PCMTD2: variants seen among roughly 807,000 people sequenced by gnomAD.
The protein encoded by PCMTD2 is protein-L-isoaspartate (D-aspartate) O-methyltransferase domain containing 2.
In PCMTD2, 16 loss-of-function variants were observed where a neutral mutation model predicts 33.4. The ratio of observed to expected loss-of-function variants is 0.48; its 90% CI spans 0.32 to 0.73. The LOEUF (loss-of-function observed/expected upper bound fraction) is 0.73, where lower values mean the gene tolerates loss of function less well. Ranked by LOEUF, PCMTD2 falls within the 30% of genes least tolerant of loss-of-function variation. The probability of loss-of-function intolerance (pLI) is 0.03; values close to 1 mark genes in which losing one functional copy is unlikely to be tolerated. For missense variants in PCMTD2, 374 were observed against 449.9 expected (o/e 0.83, Z 1.53); for synonymous variants, 161 against 160.8 (o/e 1.00, Z -0.01).
chr20:64,257,041 T>C (rs1985196510), intron 1 of PCMTD2: 1 of 152,288 alleles, frequency 6.6e-6, no homozygotes, highest in African/African-American at 2.4e-5. Context: ...GTAAGAGTTC[T>C]GGTTTTCAAG....
rs1210379054 is a variant in PCMTD2 at position 64,262,366 on chromosome 20, CCT to C, written c.308-2062_308-2061del. 2.0e-5 allele frequency among the ~76,000 whole-genome samples: 3 copies of C among 152,112 alleles called. 1 individual carries two copies. The highest frequency in any genetic ancestry group is 4.1e-4 in the South Asian group (2 of 4,824). On this transcript the variant is annotated intron_variant, in intron 2 of 5. Transcript: ENST00000308824. ...ACAGTTGCTTTTCTTTCCTGAATCC[CCT>C]GTTTACTGGAAATTTCATTGGATTT...
intron 5 of PCMTD2, chr20:64,272,323 T>C: frequency 3.4e-6 from 1 of 290,414 alleles, no homozygotes; most frequent in Non-Finnish European, 7.3e-6. Flanking sequence ...AAAGTGATGC[T>C]GATTTTCAGT....
intron 1 of PCMTD2, 27 bp from the exon 2 acceptor site, chr20:64,259,915 G>C: frequency 8.7e-7 from 1 of 1,150,670 alleles, no homozygotes; most frequent in East Asian, 2.4e-5. Flanking sequence ...AACATAAATC[G>C]CTCTTTTTAA....
intron 4 of PCMTD2, among the ~76,000 whole-genome samples, chr20:64,266,321 G>A (rs1049694136): frequency 5.9e-5 from 9 of 152,106 alleles, no homozygotes; most frequent in Non-Finnish European, 1.2e-4. Context: ...GCAGTGGCGC[G>A]ATCTCAGCTT....
Position 64,275,905 on chromosome 20 carries a change from T to C in PCMTD2, c.*2305T>C, listed in dbSNP as rs965278194. The C allele has an allele frequency of 5.9e-5, 9 of 152,230 alleles. No homozygotes were observed. The highest frequency in any genetic ancestry group is 2.2e-4 in the African/African-American group (9 of 41,458). 9.4% of individuals were successfully genotyped at this position (152,230 alleles called of 1,614,324 possible). A position where few individuals can be genotyped will look rare whatever the true frequency, so the allele number is the denominator to read the frequency against. On this transcript the variant is annotated 3_prime_UTR_variant, in exon 6 of 6. Transcript: ENST00000308824. ...GTTTGTAATGTGAGCATCAAATGTG[T>C]ATGTAAAAATACTTTTTACCAGTCT...
At chr20:64,263,521 T>A (rs1394932664) in intron 2 of PCMTD2, among the ~76,000 whole-genome samples, 5 of 152,210 alleles carry the variant, frequency 3.3e-5, no homozygotes, top group African/African-American at 1.2e-4. Flanking sequence ...GTCTACCAAG[T>A]AAAGTCCTAC....
intron 5 of PCMTD2, among the ~76,000 whole-genome samples, chr20:64,269,421 C>T (rs1985793754): frequency 6.6e-6 from 1 of 152,034 alleles, no homozygotes; most frequent in Admixed American, 6.6e-5. Context: ...ATGTGGTGGG[C>T]AGTTTGGATG....
intron 5 of PCMTD2, among the ~76,000 whole-genome samples, chr20:64,270,204 C>T (rs1436555712): frequency 3.4e-5 from 4 of 118,686 alleles, no homozygotes; most frequent in South Asian, 3.2e-4. Context: ...GTCGTGAGTG[C>T]GGGCGTGCGT....
intron 5 of PCMTD2, 84 bp from the exon 6 acceptor site, chr20:64,273,137 T>G (rs1985973158): frequency 1.7e-6 from 2 of 1,153,460 alleles, no homozygotes; most frequent in Admixed American, 4.8e-5. Context: ...TTAATTGAAA[T>G]GATGCTACGG....
Position 64,273,602 on chromosome 20 carries a change from T to A in PCMTD2, c.*2T>A. ...TTGCTTTATTACAGAGAAAAATAAG[T>A]CTCCTGTTTGAAAGGGGGAAATAGG... On this transcript the variant is annotated 3_prime_UTR_variant, in exon 6 of 6. Transcript: ENST00000308824. The A allele has an allele frequency of 6.6e-7, 1 of 1,512,920 alleles. No individual in the cohort carries two copies. Among genetic ancestry groups the A allele is most frequent in the Non-Finnish European group, 8.8e-7 (1 of 1,133,726 alleles). 93.7% of individuals were successfully genotyped at this position (1,512,920 alleles called of 1,614,324 possible).
intron 1 of PCMTD2, chr20:64,256,074 G>A (rs1049137349): frequency 6.6e-6 from 1 of 152,352 alleles, no homozygotes; most frequent in Non-Finnish European, 1.5e-5. Flanking sequence ...CTCTCTCCGA[G>A]CGCTCGCGGT....
chr20:64,271,873 G>C, intron 5 of PCMTD2: 1 of 205,222 alleles, frequency 4.9e-6, no homozygotes, highest in South Asian at 8.0e-5. Flanking sequence ...GGAAGGAGTT[G>C]TTTCAGCCTC....
At chr20:64,269,734 C>G (rs1985807073) in intron 5 of PCMTD2, among the ~76,000 whole-genome samples, 1 of 145,266 alleles carries the variant, frequency 6.9e-6, no homozygotes, top group South Asian at 2.2e-4. Context: ...AGAGTGCGGA[C>G]ATGCGCAATG....
intron 1 of PCMTD2, 120 bp from the exon 2 acceptor site, chr20:64,259,822 A>G: frequency 1.7e-6 from 1 of 596,986 alleles, no homozygotes; most frequent in Non-Finnish European, 2.9e-6. Flanking sequence ...GTGGGTGTTG[A>G]CAAAAGATAA....
At chr20:64,259,386 CTTTTTT>C (rs3076992) in intron 1 of PCMTD2, among the ~76,000 whole-genome samples, 8 of 118,700 alleles carry the variant, frequency 6.7e-5, no homozygotes, top group Admixed American at 1.7e-4. Flanking sequence ...TTTCTTTTCT[CTTTTTT>C]TTTTTTTTTT....
chr20:64,273,910 C>T lies in PCMTD2; in HGVS notation c.*310C>T, dbSNP rs912587600. The T allele has an allele frequency of 2.1e-5, 5 of 239,980 alleles. No individual in the cohort carries two copies. Among genetic ancestry groups the T allele is most frequent in the African/African-American group, 6.7e-5 (3 of 44,514 alleles). The allele number at this position is 239,980 out of a possible 1,614,324, so 14.9% of individuals were successfully genotyped here. ...GGCTCTGACGAAACACTGAAGTCTGCGTAAGAGAGACTGTTTGATGACCGT... is the reference window on the plus strand; with the variant it reads ...GGCTCTGACGAAACACTGAAGTCTGTGTAAGAGAGACTGTTTGATGACCGT... On this transcript the variant is annotated 3_prime_UTR_variant, in exon 6 of 6. Transcript: ENST00000308824.
At chr20:64,272,026 G>T (rs1279608830) in intron 5 of PCMTD2, 2 of 355,738 alleles carry the variant, frequency 5.6e-6, no homozygotes, top group African/African-American at 4.3e-5. Flanking sequence ...TGAGTGAAGA[G>T]AAAGGACTGA....
At chr20:64,262,751 CTTTG>C (rs1383204994) in intron 2 of PCMTD2, 3 of 152,390 alleles carry the variant, frequency 2.0e-5, no homozygotes, top group East Asian at 3.9e-4. Flanking sequence ...CTGTCCTTAC[CTTTG>C]TTTGTCATCA....
chr20:64,273,197 G>A (rs1368289632), intron 5 of PCMTD2, 24 bp from the exon 6 acceptor site: 1 of 1,599,578 alleles, frequency 6.3e-7, no homozygotes, highest in Admixed American at 1.7e-5. Flanking sequence ...GCATTTGACT[G>A]TGTCTCACTC....
Sources: allele counts gnomAD v4.1 joint callset (sites outside exome capture counted in the v4.1 genomes callset), GRCh38; gene constraint gnomAD v4.1.1; transcripts MANE v1.5; gene names NCBI Gene and HGNC (gene_info 2026-07-23, HGNC 2026-07-21).